Variants in STK32B observed in about 807,000 individuals in gnomAD.
The protein encoded by STK32B is serine/threonine kinase 32B, also known as serine/threonine-protein kinase 32B.
STK32B carries 43 observed loss-of-function variants against 52.6 expected under a neutral mutation model. The ratio of observed to expected loss-of-function variants is 0.82; its 90% confidence interval spans 0.64 to 1.05. STK32B has a LOEUF of 1.05. Among genes scored for constraint, STK32B ranks in the 50% least tolerant of loss-of-function variants. STK32B has a pLI of 0.00. For missense variants in STK32B, 621 were observed against 534.6 expected (o/e 1.16, Z -1.59); for synonymous variants, 238 against 204.3 (o/e 1.17, Z -1.41).
At chr4:5,305,394 T>C (rs1194706378) in intron 3 of STK32B, among the ~76,000 whole-genome samples, 3 of 152,138 alleles carry the variant, frequency 2.0e-5, no homozygotes, top group African/African-American at 7.2e-5. Context: ...TTAGGGTTTC[T>C]ATTTCTTCCT....
At chr4:5,280,423 T>A (rs1481106260) in intron 3 of STK32B, among the ~76,000 whole-genome samples, 2 of 152,170 alleles carry the variant, frequency 1.3e-5, no homozygotes, top group African/African-American at 2.4e-5. Flanking sequence ...TTCCAAACTT[T>A]CCCTCATCTT....
intron 11 of STK32B, among the ~76,000 whole-genome samples, chr4:5,490,837 T>A (rs569716959): frequency 6.6e-6 from 1 of 152,290 alleles, no homozygotes; most frequent in Non-Finnish European, 1.5e-5. Flanking sequence ...GGTTTTTTGT[T>A]CTTGCGATAG....
chr4:5,180,161 G>C (rs919275721), intron 3 of STK32B, among the ~76,000 whole-genome samples: 29 of 152,282 alleles, frequency 1.9e-4, no homozygotes, highest in African/African-American at 7.0e-4. Context: ...GACTCCATAT[G>C]AGCCCTGCTC....
chr4:5,431,694 G>T (rs951015438), intron 6 of STK32B, among the ~76,000 whole-genome samples: 1 of 152,070 alleles, frequency 6.6e-6, no homozygotes, highest in Admixed American at 6.6e-5. Context: ...ACAGCTGAGC[G>T]GTTTCTTGCA....
chr4:5,335,838 G>A (rs1732638217), intron 4 of STK32B, among the ~76,000 whole-genome samples: 1 of 152,020 alleles, frequency 6.6e-6, no homozygotes, highest in Non-Finnish European at 1.5e-5. Context: ...ACTGTGATCT[G>A]AGAGACAGTT....
At chr4:5,128,291 A>G (rs891034054) in intron 1 of STK32B, among the ~76,000 whole-genome samples, 4 of 152,334 alleles carry the variant, frequency 2.6e-5, no homozygotes, top group African/African-American at 7.2e-5. Flanking sequence ...AAACGTATAC[A>G]TTGGGAATGC....
intron 6 of STK32B, chr4:5,436,747 T>TC: frequency 2.2e-6 from 2 of 922,008 alleles, no homozygotes; most frequent in Non-Finnish European, 2.6e-6. Context: ...AACCTAGGAG[T>TC]CAGGACCAAG....
intron 2 of STK32B, among the ~76,000 whole-genome samples, chr4:5,156,345 A>T (rs1487987533): frequency 6.6e-6 from 1 of 152,134 alleles, no homozygotes; most frequent in Non-Finnish European, 1.5e-5. Flanking sequence ...AACAGATACG[A>T]TTTTGACACA....
At chr4:5,171,117 G>A (rs1719336221) in intron 3 of STK32B, among the ~76,000 whole-genome samples, 1 of 152,014 alleles carries the variant, frequency 6.6e-6, no homozygotes, top group African/African-American at 2.4e-5. Flanking sequence ...TTTGAGAAGT[G>A]TCTGTTCATA....
chr4:5,335,617 G>T (rs1254338625), intron 4 of STK32B, among the ~76,000 whole-genome samples: 1 of 151,836 alleles, frequency 6.6e-6, no homozygotes, highest in African/African-American at 2.4e-5. Flanking sequence ...TGGGCATTTA[G>T]TGCTATAAAT....
chr4:5,199,217 C>G (rs552253687), intron 3 of STK32B, among the ~76,000 whole-genome samples: 2 of 152,234 alleles, frequency 1.3e-5, no homozygotes, highest in African/African-American at 2.4e-5. Flanking sequence ...ATTGAACATG[C>G]ACGGTGGTTG....
chr4:5,434,095 G>A (rs1713822860), intron 6 of STK32B, among the ~76,000 whole-genome samples: 1 of 152,122 alleles, frequency 6.6e-6, no homozygotes, highest in Non-Finnish European at 1.5e-5. Context: ...CCATTGCAGG[G>A]CAGCCAGAGT....
intron 1 of STK32B, among the ~76,000 whole-genome samples, chr4:5,093,036 C>T (rs892527020): frequency 1.3e-5 from 2 of 151,910 alleles, no homozygotes; most frequent in Non-Finnish European, 2.9e-5. Flanking sequence ...CTGTGCAGGT[C>T]CACTTATATG....
At chr4:5,413,067 C>A (rs1391444179) in intron 5 of STK32B, among the ~76,000 whole-genome samples, 3 of 152,160 alleles carry the variant, frequency 2.0e-5, no homozygotes, top group Non-Finnish European at 4.4e-5. Context: ...CCTCCAGAAA[C>A]CCTGTTGACA....
At position 5,499,314 on chromosome 4, in the gene STK32B, A is replaced by G; in HGVS notation, c.*231A>G. ...GTGCCTCCGTTTTCTGCATCTGCCA[A>G]AGGGGTTAAACACTTCTGCCCCACT... is the stretch of plus-strand genomic sequence containing the variant. On this transcript the variant is annotated 3_prime_UTR_variant, in exon 12 of 12. Coordinates refer to ENST00000282908, the MANE Select transcript of STK32B (RefSeq NM_018401.3). The G allele has an allele frequency of 6.6e-6, 3 of 456,370 alleles. No individual in the cohort carries two copies. Among genetic ancestry groups the G allele is most frequent in the Non-Finnish European group, 1.1e-5 (3 of 271,678 alleles). The allele number at this position is 456,370 out of a possible 1,614,324, so 28.3% of individuals were successfully genotyped here.
chr4:5,265,126 C>A (rs375466628), intron 3 of STK32B, among the ~76,000 whole-genome samples: 2 of 152,144 alleles, frequency 1.3e-5, no homozygotes, highest in South Asian at 2.1e-4. Context: ...TATTTTTAAT[C>A]CCATATAGAT....
intron 5 of STK32B, among the ~76,000 whole-genome samples, chr4:5,415,906 C>A (rs978006338): frequency 2.6e-5 from 4 of 152,170 alleles, no homozygotes; most frequent in African/African-American, 9.7e-5. Context: ...CTTGGTGATG[C>A]CTTCCAAGTC....
intron 2 of STK32B, among the ~76,000 whole-genome samples, chr4:5,154,979 C>CAG (rs142034713): frequency 0.023 from 3,448 of 152,324 alleles, 51 homozygotes; most frequent in Non-Finnish European, 0.035. Flanking sequence ...CAAGGTCATG[C>CAG]AGTCTGGCCT....
chr4:5,237,426 G>A (rs1375334244), intron 3 of STK32B, among the ~76,000 whole-genome samples: 1 of 152,138 alleles, frequency 6.6e-6, no homozygotes, highest in Non-Finnish European at 1.5e-5. Flanking sequence ...CTCATTTATT[G>A]TTGTGAAGAG....
Sources: gnomAD v4.1 joint callset for allele counts (sites outside exome capture counted in the v4.1 genomes callset) on GRCh38, gnomAD v4.1.1 for gene constraint, MANE v1.5 for transcripts, NCBI Gene and HGNC (gene_info 2026-07-23, HGNC 2026-07-21) for gene names.